The following VWA8 variants were observed in gnomAD, a reference collection of about 807,000 sequenced individuals.
VWA8 encodes von Willebrand factor A domain-containing protein 8.
A neutral mutation model predicts 241.5 loss-of-function variants in VWA8; 221 were observed. The ratio of observed to expected loss-of-function variants is 0.91; its 90% CI spans 0.82 to 1.02. The LOEUF (loss-of-function observed/expected upper bound fraction) is 1.02. VWA8 is among the 50% of genes least tolerant of loss of function. VWA8 has a pLI of 0.00. For synonymous variants in VWA8, 852 were observed against 827.1 expected, an observed-to-expected ratio of 1.03 and a Z score of -0.52; for missense variants, 2,322 against 2,328.7, an observed-to-expected ratio of 1.00 and a Z score of 0.06.
At chr13:41,887,036 C>A (rs1416636911) in intron 6 of VWA8, among the ~76,000 whole-genome samples, 161 bp downstream of exon 6, 1 of 152,162 alleles carries the variant, frequency 6.6e-6, no homozygotes, top group Non-Finnish European at 1.5e-5. Flanking sequence ...AATAATTTTT[C>A]TTCCTAGTTT....
intron 43 of VWA8, among the ~76,000 whole-genome samples, chr13:41,572,471 A>T (rs1173926726): frequency 6.6e-6 from 1 of 152,200 alleles, no homozygotes; most frequent in African/African-American, 2.4e-5. Context: ...CTGCCTTGGG[A>T]TGCTGTTAAT....
intron 20 of VWA8, among the ~76,000 whole-genome samples, chr13:41,769,193 C>T (rs1455543032): frequency 6.6e-6 from 1 of 152,198 alleles, no homozygotes; most frequent in Non-Finnish European, 1.5e-5. Context: ...AGGTGTGAGC[C>T]ATTGTACTCA....
chr13:41,587,697 G>A lies in VWA8; in HGVS notation c.5113-27C>T, dbSNP rs569579836. 91 of 1,610,586 alleles carry A rather than the reference G, an allele frequency of 5.7e-5. No individual in the cohort carries two copies. The Middle Eastern group carries it at 2.7e-3, about 47-fold the overall frequency. ...TGAGGGAAGGAATAACAGAAAAGCC[G>A]TTTGTGAACTGGCAAACTTCCCCTG... On this transcript the variant is annotated intron_variant, in intron 41 of 44. Transcript: ENST00000379310.
chr13:41,761,017 A>G, intron 21 of VWA8, 111 bp downstream of exon 21: 1 of 1,086,188 alleles, frequency 9.2e-7, no homozygotes, highest in African/African-American at 1.6e-5. Flanking sequence ...AAGAACAGAA[A>G]TAAAACTGGT....
At chr13:41,695,480 T>C (rs1011658055) in intron 29 of VWA8, among the ~76,000 whole-genome samples, 1 of 152,234 alleles carries the variant, frequency 6.6e-6, no homozygotes, top group Non-Finnish European at 1.5e-5. Context: ...GAAGAAGGAA[T>C]TGATGGCAGT....
chr13:41,596,951 C>T (rs904389984), intron 40 of VWA8, among the ~76,000 whole-genome samples: 2 of 151,832 alleles, frequency 1.3e-5, no homozygotes, highest in Non-Finnish European at 2.9e-5. Flanking sequence ...TATATCTTTG[C>T]TTATTTGGGT....
intron 24 of VWA8, among the ~76,000 whole-genome samples, chr13:41,722,345 G>C (rs1350755480): frequency 1.3e-5 from 2 of 152,122 alleles, no homozygotes; most frequent in African/African-American, 4.8e-5. Context: ...TAATCTAAGA[G>C]ACCAGGGATC....
intron 39 of VWA8, among the ~76,000 whole-genome samples, chr13:41,608,409 C>G (rs1566385777): frequency 1.3e-5 from 2 of 152,202 alleles, no homozygotes; most frequent in East Asian, 3.8e-4. Context: ...TAGCTGGAAA[C>G]ATATCTTTCT....
At chr13:41,854,725 G>C (rs1305181322) in intron 12 of VWA8, among the ~76,000 whole-genome samples, 4 of 152,072 alleles carry the variant, frequency 2.6e-5, no homozygotes, top group Non-Finnish European at 4.4e-5. Context: ...AGTTATTACA[G>C]TACAGAATGA....
intron 23 of VWA8, among the ~76,000 whole-genome samples, chr13:41,728,059 T>C (rs1447749606): frequency 6.6e-6 from 1 of 152,132 alleles, no homozygotes; most frequent in African/African-American, 2.4e-5. Context: ...CTGAATTTAT[T>C]TAAACCCCAC....
rs2044881238 is a variant in VWA8 at position 41,653,379 on chromosome 13, A to G, written c.4611+17567T>C. Among the ~76,000 whole-genome samples the G allele has an allele frequency of 2.0e-5, 3 of 152,336 alleles. No individual in the cohort carries two copies. In the South Asian group the frequency reaches 6.2e-4, roughly 32 times the overall value. Reference sequence around the variant, plus strand: ...ATAAAAGATTTCTACAAATTACAGAACTACAAAATACTGCTGAAAGAAATC... The same window carrying G: ...ATAAAAGATTTCTACAAATTACAGAGCTACAAAATACTGCTGAAAGAAATC... On this transcript the variant is annotated intron_variant, in intron 37 of 44. Coordinates refer to ENST00000379310, the MANE Select transcript of VWA8 (RefSeq NM_015058.2).
chr13:41,683,137 A>T (rs2045111877), intron 35 of VWA8, among the ~76,000 whole-genome samples: 1 of 152,148 alleles, frequency 6.6e-6, no homozygotes, highest in African/African-American at 2.4e-5. Flanking sequence ...CTGCCCACAA[A>T]TGTTCATAGT....
intron 13 of VWA8, among the ~76,000 whole-genome samples, chr13:41,833,008 G>A (rs1340466414): frequency 6.6e-6 from 1 of 152,048 alleles, no homozygotes; most frequent in Non-Finnish European, 1.5e-5. Context: ...TAAGGAGTGT[G>A]TAAATACTGA....
chr13:41,630,297 T>G (rs1292434297), intron 37 of VWA8, among the ~76,000 whole-genome samples: 2 of 152,006 alleles, frequency 1.3e-5, no homozygotes, highest in South Asian at 2.1e-4. Context: ...CCTTGTTGAC[T>G]GTGAGCTGGA....
chr13:41,850,581 T>C (rs370152627), intron 12 of VWA8, among the ~76,000 whole-genome samples: 1 of 152,148 alleles, frequency 6.6e-6, no homozygotes, highest in East Asian at 1.9e-4. Flanking sequence ...GAGACTTAGT[T>C]GATAGGCCCA....
intron 20 of VWA8, among the ~76,000 whole-genome samples, chr13:41,766,197 T>G (rs2045777929): frequency 6.6e-6 from 1 of 152,174 alleles, no homozygotes; most frequent in African/African-American, 2.4e-5. Context: ...ATTATTTTAG[T>G]TACCCTGTTT....
chr13:41,805,756 G>GTGA (rs1201251429), intron 17 of VWA8, among the ~76,000 whole-genome samples: 1 of 152,140 alleles, frequency 6.6e-6, no homozygotes, highest in Non-Finnish European at 1.5e-5. Flanking sequence ...GGAGGTTGCA[G>GTGA]TGAGCCAAGA....
chr13:41,864,989 C>CAAAAAA (rs35515775), intron 12 of VWA8, among the ~76,000 whole-genome samples: 2 of 75,078 alleles, frequency 2.7e-5, no homozygotes, highest in Non-Finnish European at 5.1e-5. Context: ...AACTCCATCT[C>CAAAAAA]AAAAAAAAAA....
intron 42 of VWA8, 59 bp downstream of exon 42, chr13:41,587,453 C>A: frequency 6.3e-7 from 1 of 1,597,138 alleles, no homozygotes; most frequent in Non-Finnish European, 8.6e-7. Flanking sequence ...GAGTTTGAAT[C>A]CACCTATCCA....
Sources: gnomAD v4.1 joint callset for allele counts (sites outside exome capture counted in the v4.1 genomes callset) on GRCh38, gnomAD v4.1.1 for gene constraint, MANE v1.5 for transcripts, NCBI Gene and HGNC (gene_info 2026-07-23, HGNC 2026-07-21) for gene names.